Variants in DZANK1 observed in about 807,000 individuals in gnomAD.
The protein encoded by DZANK1 is double zinc ribbon and ankyrin repeat-containing protein 1.
Under a neutral mutation model 94.5 loss-of-function variants are expected in DZANK1, and 91 were observed. The ratio of observed to expected loss-of-function variants is 0.96; its 90% CI spans 0.81 to 1.15. The LOEUF is 1.15. Among genes scored for constraint, DZANK1 ranks in the 50% most tolerant of loss-of-function variants. The pLI is 0.00. For missense variants in DZANK1, 903 were observed against 916.4 expected, an observed-to-expected ratio of 0.99 and a Z score of 0.19; for synonymous variants, 312 against 325.3, an observed-to-expected ratio of 0.96 and a Z score of 0.44.
chr20:18,402,287 C>T (rs944026133), intron 13 of DZANK1, among the ~76,000 whole-genome samples: 2 of 152,112 alleles, frequency 1.3e-5, no homozygotes, highest in Non-Finnish European at 2.9e-5. Flanking sequence ...CAGGGGACAG[C>T]GGTCTCCCAA....
rs762017045 is a variant in DZANK1 at position 18,398,508 on chromosome 20, T to C, written c.1536+15A>G. On this transcript the variant is annotated intron_variant, in intron 14 of 20. Coordinates refer to ENST00000262547, the Ensembl canonical transcript of DZANK1. The stretch of plus-strand genomic sequence containing the variant: ...CCCGTGGACACTTGTGGAGTGGAAA[T>C]TTCATCTCACCCACCTTTCCCATCC... 1.2e-6 allele frequency: 2 copies of C among 1,612,990 alleles called. No homozygotes were observed. Among genetic ancestry groups the C allele is most frequent in the East Asian group, 2.2e-5 (1 of 44,858 alleles).
chr20:18,453,800 T>C, exon 5 of DZANK1: 1 of 1,610,510 alleles, frequency 6.2e-7, no homozygotes, highest in African/African-American at 1.3e-5. Flanking sequence ...TTCTTTAGTT[T>C]TGATCCAACA....
At chr20:18,463,495 T>A (rs180849139) in intron 2 of DZANK1, among the ~76,000 whole-genome samples, 1 of 114,500 alleles carries the variant, frequency 8.7e-6, no homozygotes, top group Non-Finnish European at 1.7e-5. Context: ...AAAATAAAAG[T>A]TGTAAAAGAA....
intron 19 of DZANK1, among the ~76,000 whole-genome samples, chr20:18,387,240 T>C (rs561280719): frequency 7.2e-5 from 11 of 152,346 alleles, no homozygotes; most frequent in African/African-American, 2.6e-4. Context: ...AGCAGAGGGT[T>C]CATTCTATGT....
intron 7 of DZANK1, among the ~76,000 whole-genome samples, chr20:18,444,802 A>G (rs1257316287): frequency 1.3e-5 from 2 of 149,202 alleles, no homozygotes; most frequent in South Asian, 2.1e-4. Context: ...TTGTTTGTTT[A>G]TTTATTTATT....
chr20:18,407,876 A>G (rs1287832821), intron 13 of DZANK1, among the ~76,000 whole-genome samples: 1 of 152,248 alleles, frequency 6.6e-6, no homozygotes, highest in African/African-American at 2.4e-5. Flanking sequence ...AAAAATACAC[A>G]GTCAGAGGAG....
At chr20:18,454,544 C>G (rs773873661) in intron 4 of DZANK1, 1 of 158,960 alleles carries the variant, frequency 6.3e-6, no homozygotes, top group Non-Finnish European at 1.4e-5. Flanking sequence ...TATCGATGCT[C>G]ACACCCAGTG....
At chr20:18,400,340 C>T (rs1178883487) in intron 13 of DZANK1, among the ~76,000 whole-genome samples, 1 of 152,114 alleles carries the variant, frequency 6.6e-6, no homozygotes, top group Admixed American at 6.6e-5. Flanking sequence ...ATATGAGGGA[C>T]CATGGAGAAC....
rs544458541 is a variant in DZANK1 at position 18,393,723 on chromosome 20, C to T, written c.1797G>A (p.Lys599=). The change falls in exon 17 of 21, where the codon AAG becomes AAA. Residue 599 remains lysine, a synonymous_variant. Coordinates refer to ENST00000262547, the Ensembl canonical transcript of DZANK1. ...AAAAGACACTTACTATAAGCTGCTC[C>T]TTCTTTTCTTGAAAAGTTTTGGTCT... 1.5e-5 allele frequency: 24 copies of T among 1,606,790 alleles called. No individual in the cohort carries two copies. In the South Asian group the frequency reaches 2.5e-4, roughly 17 times the overall value.
intron 14 of DZANK1, among the ~76,000 whole-genome samples, chr20:18,397,810 AC>A (rs2056432466): frequency 6.6e-6 from 1 of 152,168 alleles, no homozygotes; most frequent in Admixed American, 6.5e-5. Flanking sequence ...TGGCGCACCT[AC>A]ATGCGGCCAC....
intron 10 of DZANK1, among the ~76,000 whole-genome samples, chr20:18,417,401 T>C (rs775855904): frequency 2.0e-5 from 3 of 152,216 alleles, no homozygotes; most frequent in Non-Finnish European, 4.4e-5. Context: ...CTGAAATCTA[T>C]CTGTAAGAAT....
intron 9 of DZANK1, among the ~76,000 whole-genome samples, chr20:18,432,132 T>C (rs2058310331): frequency 6.6e-6 from 1 of 152,172 alleles, no homozygotes; most frequent in Admixed American, 6.5e-5. Flanking sequence ...TCTCTCTGCC[T>C]TCCCATAAAA....
chr20:18,411,681 T>C (rs2057263909), intron 13 of DZANK1, among the ~76,000 whole-genome samples: 1 of 152,242 alleles, frequency 6.6e-6, no homozygotes, highest in African/African-American at 2.4e-5. Context: ...ATATCTCTTA[T>C]AAATATAGAC....
chr20:18,384,221 G>A (rs1373490767), exon 21 of DZANK1: 7 of 560,238 alleles, frequency 1.2e-5, no homozygotes, highest in African/African-American at 1.9e-5. Context: ...CACTACGCCC[G>A]ACTAATTTTG....
intron 10 of DZANK1, among the ~76,000 whole-genome samples, chr20:18,416,223 C>T (rs1434752019): frequency 6.6e-6 from 1 of 152,184 alleles, no homozygotes; most frequent in African/African-American, 2.4e-5. Context: ...TAAAGCCTGG[C>T]TTCTCTCCCT....
At chr20:18,466,861 C>T (rs952955370) in intron 1 of DZANK1, 135 bp downstream of exon 1, 11 of 152,706 alleles carry the variant, frequency 7.2e-5, no homozygotes, top group African/African-American at 2.6e-4. Context: ...GCCAAGGACA[C>T]CTGCATCCTT....
intron 8 of DZANK1, among the ~76,000 whole-genome samples, chr20:18,437,710 TTATTA>T (rs757858166): frequency 1.3e-5 from 2 of 152,180 alleles, no homozygotes; most frequent in African/African-American, 2.4e-5. Context: ...CATGATGTGG[TTATTA>T]TATATTACAT....
At chr20:18,448,191 T>C (rs1289087341) in intron 7 of DZANK1, among the ~76,000 whole-genome samples, 1 of 152,208 alleles carries the variant, frequency 6.6e-6, no homozygotes, top group Non-Finnish European at 1.5e-5. Context: ...TACAATGGAC[T>C]GTAGTTCAAC....
chr20:18,399,226 ATATTT>A (rs1202500453), intron 13 of DZANK1, among the ~76,000 whole-genome samples: 1 of 151,912 alleles, frequency 6.6e-6, no homozygotes, highest in African/African-American at 2.4e-5. Flanking sequence ...AACTTACCTA[ATATTT>A]TATTTTATTT....
Sources: gnomAD v4.1 joint callset for allele counts (sites outside exome capture counted in the v4.1 genomes callset) on GRCh38, gnomAD v4.1.1 for gene constraint, MANE v1.5 for transcripts, NCBI Gene and HGNC (gene_info 2026-07-23, HGNC 2026-07-21) for gene names.